The following ANK3 variants were observed in gnomAD, a reference collection of about 807,000 sequenced individuals.
ANK3 encodes the protein ankyrin 3, also known as ankyrin-3.
In ANK3, 57 loss-of-function variants were observed where a neutral mutation model predicts 370.9. The observed-to-expected ratio is 0.15, with a 90% CI of 0.12 to 0.19. The LOEUF (loss-of-function observed/expected upper bound fraction) is 0.19, where lower values mean the gene tolerates loss of function less well. Among genes scored for constraint, ANK3 ranks in the 10% least tolerant of loss-of-function variants. The pLI is 1.00. For missense variants in ANK3, 4,439 were observed against 5,302.1 expected (o/e 0.84, Z 5.06); for synonymous variants, 1,929 against 1,946.3 (o/e 0.99, Z 0.23).
At chr10:60,282,968 C>A (rs895034984) in intron 1 of ANK3, among the ~76,000 whole-genome samples, 1 of 152,138 alleles carries the variant, frequency 6.6e-6, no homozygotes, top group Non-Finnish European at 1.5e-5. Context: ...TCTTAGCCAC[C>A]GGCAAACAAA....
At chr10:60,120,402 T>G (rs1479829369) in intron 25 of ANK3, among the ~76,000 whole-genome samples, 5 of 151,836 alleles carry the variant, frequency 3.3e-5, no homozygotes, top group Non-Finnish European at 4.4e-5. Context: ...GACATTGAAC[T>G]GTGCAAAAAT....
chr10:60,248,044 A>T (rs2097583316), intron 7 of ANK3, among the ~76,000 whole-genome samples: 2 of 152,242 alleles, frequency 1.3e-5, no homozygotes, highest in South Asian at 4.1e-4. Flanking sequence ...GGAATGTTCC[A>T]GTGTATGGAT....
intron 1 of ANK3, among the ~76,000 whole-genome samples, chr10:60,646,880 C>A (rs2078716552): frequency 6.6e-6 from 1 of 152,086 alleles, no homozygotes; most frequent in Non-Finnish European, 1.5e-5. Flanking sequence ...ACATGGAAAT[C>A]CCTGATAACC....
At chr10:60,683,361 G>A (rs892585823) in intron 1 of ANK3, among the ~76,000 whole-genome samples, 9 of 152,168 alleles carry the variant, frequency 5.9e-5, no homozygotes, top group Non-Finnish European at 1.5e-5. Context: ...CAAGCATGAG[G>A]CTTTTTGGAA....
intron 1 of ANK3, among the ~76,000 whole-genome samples, chr10:60,317,370 G>A (rs1764690138): frequency 6.6e-6 from 1 of 150,860 alleles, no homozygotes; most frequent in South Asian, 2.1e-4. Flanking sequence ...AGCTATCCCT[G>A]GCTTTGGCTT....
intron 1 of ANK3, among the ~76,000 whole-genome samples, chr10:60,696,316 C>G (rs1241947296): frequency 1.3e-5 from 2 of 149,130 alleles, no homozygotes; most frequent in Admixed American, 6.7e-5. Flanking sequence ...CGAATTCTAC[C>G]AGAGGTACAA....
rs572594954 is a variant in ANK3, at chr10:60,382,791, C to T, written c.114+6634G>A. 1.5e-3 allele frequency among the ~76,000 whole-genome samples: 100 copies of T among 64,520 alleles called. 1 individual carries two copies. In the South Asian group the frequency reaches 0.073, roughly 47 times the overall value. The allele number at this position is 64,520 out of a possible 152,430, so 42.3% of individuals were successfully genotyped here. A position where few individuals can be genotyped will look rare whatever the true frequency, so the allele number is the denominator to read the frequency against. On this transcript the variant is annotated intron_variant, in intron 1 of 43. Coordinates refer to ENST00000280772, the MANE Select transcript of ANK3 (RefSeq NM_020987.5). ...TTCTCCTTCGATATTTAACCTATAC[C>T]TAAATCTATATATATATATATATAT...
chr10:60,381,726 A>C (rs1453280528), intron 1 of ANK3, among the ~76,000 whole-genome samples: 3 of 152,176 alleles, frequency 2.0e-5, no homozygotes, highest in African/African-American at 7.2e-5. Flanking sequence ...GAACCTGGCA[A>C]ATGCATTTAT....
At chr10:60,180,001 C>T (rs1011517487) in intron 18 of ANK3, among the ~76,000 whole-genome samples, 3 of 150,918 alleles carry the variant, frequency 2.0e-5, no homozygotes, top group Admixed American at 2.0e-4. Flanking sequence ...AAGTCTGTCT[C>T]TCTCTCTCTC....
chr10:60,684,948 G>T, intron 1 of ANK3: 1 of 1,533,694 alleles, frequency 6.5e-7, no homozygotes, highest in South Asian at 1.1e-5. Context: ...CAGGAATTGA[G>T]AAATTGTTAG....
At chr10:60,250,746 C>T (rs1220413863) in intron 7 of ANK3, among the ~76,000 whole-genome samples, 2 of 152,186 alleles carry the variant, frequency 1.3e-5, no homozygotes, top group African/African-American at 4.8e-5. Context: ...AAATATATAT[C>T]ATATGCTTTT....
At chr10:60,047,711 A>G (rs1008787013) in intron 42 of ANK3, among the ~76,000 whole-genome samples, 5 of 152,246 alleles carry the variant, frequency 3.3e-5, no homozygotes, top group Admixed American at 2.6e-4. Context: ...ACTATATAGT[A>G]AAAATTCAGT....
At chr10:60,658,270 G>A (rs77158528) in intron 1 of ANK3, among the ~76,000 whole-genome samples, 6,504 of 149,316 alleles carry the variant, frequency 0.044, 179 homozygotes, top group Middle Eastern at 0.076. Context: ...CTTTTCTCCT[G>A]CCTTGTTTTC....
intron 13 of ANK3, 118 bp downstream of exon 13, chr10:60,200,011 G>A (rs1182773936): frequency 1.3e-5 from 9 of 704,758 alleles, no homozygotes; most frequent in Admixed American, 2.8e-5. Flanking sequence ...TTTTATCATT[G>A]GAGGTTTTTC....
At chr10:60,530,102 TC>T (rs1424221808) in intron 2 of ANK3, among the ~76,000 whole-genome samples, 2 of 151,976 alleles carry the variant, frequency 1.3e-5, no homozygotes, top group African/African-American at 2.4e-5. Flanking sequence ...CTGCCTCCTT[TC>T]CCCCCACCAC....
chr10:60,338,616 C>T (rs2053565236), intron 1 of ANK3, among the ~76,000 whole-genome samples: 3 of 152,122 alleles, frequency 2.0e-5, no homozygotes. Flanking sequence ...TTGTGTCCCC[C>T]CAGCCCTTGT....
rs1320800935 is a variant in ANK3, at chr10:60,072,142, G to C, written c.8739C>G (p.Leu2913=). ...TTACAGTCATTTCTTTAATTTCTGA[G>C]AGAGAGCCGTTTGTTAACAATTTGC... The part of the protein sequence containing the change: ...RERKLLTNGS[L]SEIKEMTVKS... The change falls in exon 37 of 44, where the codon CTC becomes CTG. Residue 2913 remains leucine, a synonymous_variant. Coordinates refer to ENST00000280772, the MANE Select transcript of ANK3 (RefSeq NM_020987.5). The C allele has an allele frequency of 6.2e-7, 1 of 1,613,702 alleles. No homozygotes were observed. The highest frequency in any genetic ancestry group is 8.5e-7 in the Non-Finnish European group (1 of 1,180,016).
At chr10:60,715,396 A>T (rs2079771721) in intron 1 of ANK3, among the ~76,000 whole-genome samples, 1 of 152,184 alleles carries the variant, frequency 6.6e-6, no homozygotes, top group Non-Finnish European at 1.5e-5. Context: ...AAGCTCTGAA[A>T]ATACACACAT....
intron 2 of ANK3, among the ~76,000 whole-genome samples, chr10:60,552,663 G>A (rs1255595876): frequency 1.3e-5 from 2 of 152,224 alleles, no homozygotes; most frequent in Non-Finnish European, 2.9e-5. Flanking sequence ...GTAATAAAGT[G>A]TAAATAACTA....
Sources: gnomAD v4.1 joint callset for allele counts (sites outside exome capture counted in the v4.1 genomes callset) on GRCh38, gnomAD v4.1.1 for gene constraint, MANE v1.5 for transcripts, NCBI Gene and HGNC (gene_info 2026-07-23, HGNC 2026-07-21) for gene names.